The following EYS variants were observed in gnomAD, a reference collection of about 807,000 sequenced individuals.
EYS encodes the protein protein eyes shut homolog.
Under a neutral mutation model 282.1 loss-of-function variants are expected in EYS, and 250 were observed. The observed-to-expected ratio is 0.89, with a 90% CI of 0.80 to 0.98. The LOEUF is 0.98. EYS is among the 50% of genes least tolerant of loss of function. EYS has a pLI of 0.00. For missense variants in EYS, 4,016 were observed against 3,709.0 expected, an observed-to-expected ratio of 1.08 and a Z score of -2.15; for synonymous variants, 1,355 against 1,282.9, an observed-to-expected ratio of 1.06 and a Z score of -1.20.
chr6:64,309,197 TATTC>T (rs922532601), intron 29 of EYS, among the ~76,000 whole-genome samples: 3 of 152,104 alleles, frequency 2.0e-5, no homozygotes, highest in Admixed American at 1.3e-4. Flanking sequence ...AGATCCTTAT[TATTC>T]ATAGGGATAA....
chr6:64,445,583 A>G (rs966834751), intron 26 of EYS, among the ~76,000 whole-genome samples: 9 of 152,314 alleles, frequency 5.9e-5, no homozygotes, highest in African/African-American at 2.2e-4. Flanking sequence ...GGGTTTTCAG[A>G]TGGATGTATG....
intron 22 of EYS, among the ~76,000 whole-genome samples, chr6:64,666,845 A>AT (rs1282392640): frequency 6.6e-6 from 1 of 152,012 alleles, no homozygotes; most frequent in Non-Finnish European, 1.5e-5. Flanking sequence ...TGTAAGAATT[A>AT]TTTTTTTCTT....
chr6:65,562,579 G>C lies in EYS; in HGVS notation c.-332-66586C>G, dbSNP rs115970713. The stretch of plus-strand genomic sequence containing the variant: ...ACCATGTTCTCTGGACCTCCACATA[G>C]CAAGACCCTGGAGATAGTTGGTCAG... On this transcript the variant is annotated intron_variant, in intron 2 of 42. Transcript: ENST00000503581. Among the ~76,000 whole-genome samples the C allele has an allele frequency of 4.3e-3, 661 of 152,100 alleles. 6 individuals are homozygous for C. The highest frequency in any genetic ancestry group is 0.014 in the African/African-American group (569 of 41,534).
intron 29 of EYS, among the ~76,000 whole-genome samples, chr6:64,384,139 G>A (rs1772835729): frequency 6.6e-6 from 1 of 152,072 alleles, no homozygotes; most frequent in Non-Finnish European, 1.5e-5. Flanking sequence ...ATGATTGACA[G>A]GGCTTTTTAT....
chr6:65,689,614 T>C (rs992132059), intron 1 of EYS, among the ~76,000 whole-genome samples: 1 of 150,244 alleles, frequency 6.7e-6, no homozygotes, highest in Non-Finnish European at 1.5e-5. Context: ...TATATGAATA[T>C]AGATATGTTT....
At chr6:65,292,160 T>G (rs1055445170) in intron 12 of EYS, among the ~76,000 whole-genome samples, 1 of 151,754 alleles carries the variant, frequency 6.6e-6, no homozygotes, top group Non-Finnish European at 1.5e-5. Flanking sequence ...GCTTATATAA[T>G]ATCTCCTACT....
chr6:64,562,074 A>T (rs1045816801), intron 26 of EYS, among the ~76,000 whole-genome samples: 2 of 151,868 alleles, frequency 1.3e-5, no homozygotes, highest in Admixed American at 6.6e-5. Flanking sequence ...ACACATTCTT[A>T]TTTGTTCTTT....
At chr6:65,301,771 C>G (rs1400474846) in intron 11 of EYS, among the ~76,000 whole-genome samples, 1 of 152,238 alleles carries the variant, frequency 6.6e-6, no homozygotes, top group African/African-American at 2.4e-5. Context: ...TAATGACGAA[C>G]ACCCCTAAAC....
At chr6:65,401,359 A>G (rs1766486655) in intron 7 of EYS, among the ~76,000 whole-genome samples, 1 of 150,188 alleles carries the variant, frequency 6.7e-6, no homozygotes. Flanking sequence ...ATTTTTTTTT[A>G]ATCAGTCAGT....
At chr6:65,165,864 C>T (rs6910540) in intron 12 of EYS, among the ~76,000 whole-genome samples, 5 of 150,832 alleles carry the variant, frequency 3.3e-5, no homozygotes, top group East Asian at 2.0e-4. Flanking sequence ...AAACTTAGAA[C>T]CAAGAGTGGG....
At chr6:64,726,683 T>C (rs1031897795) in intron 22 of EYS, among the ~76,000 whole-genome samples, 4 of 152,180 alleles carry the variant, frequency 2.6e-5, no homozygotes, top group South Asian at 2.1e-4. Flanking sequence ...TCTATAACCC[T>C]ATTCAATGGA....
intron 2 of EYS, among the ~76,000 whole-genome samples, chr6:65,530,206 A>T (rs1437477370): frequency 6.6e-6 from 1 of 152,146 alleles, no homozygotes; most frequent in African/African-American, 2.4e-5. Context: ...AAATGGGAAG[A>T]TATTCCCAAT....
At chr6:63,894,885 C>A (rs1474918384) in intron 35 of EYS, among the ~76,000 whole-genome samples, 1 of 152,082 alleles carries the variant, frequency 6.6e-6, no homozygotes, top group East Asian at 1.9e-4. Context: ...CTGCGCCCGG[C>A]CAAATCCTGT....
At position 65,393,425 on chromosome 6, in the gene EYS, G is replaced by T. The variant is rs112462958; in HGVS notation, c.1185-8925C>A. On this transcript the variant is annotated intron_variant, in intron 7 of 42. Coordinates refer to ENST00000503581, the MANE Select transcript of EYS (RefSeq NM_001142800.2). ...TAACTCCAAAAGATTAAGCTTTCCT[G>T]TTGAAAATTATTGAGTGACCAAGTG... Among the ~76,000 whole-genome samples, 1,007 of 152,226 alleles carry T rather than the reference G, an allele frequency of 6.6e-3. 11 individuals are homozygous for T. Among genetic ancestry groups the T allele is most frequent in the African/African-American group, 0.022 (910 of 41,538 alleles).
At chr6:65,159,209 T>A (rs1346861737) in intron 12 of EYS, among the ~76,000 whole-genome samples, 2 of 150,838 alleles carry the variant, frequency 1.3e-5, no homozygotes, top group Non-Finnish European at 3.0e-5. Context: ...AATGCATTAA[T>A]TATTGAGATC....
At chr6:64,549,569 T>C (rs1313508846) in intron 26 of EYS, among the ~76,000 whole-genome samples, 1 of 152,164 alleles carries the variant, frequency 6.6e-6, no homozygotes, top group Non-Finnish European at 1.5e-5. Flanking sequence ...GATAAACTTC[T>C]CCTGCCCACT....
At chr6:64,976,439 G>T (rs912290033) in intron 14 of EYS, among the ~76,000 whole-genome samples, 1 of 151,732 alleles carries the variant, frequency 6.6e-6, no homozygotes, top group Non-Finnish European at 1.5e-5. Context: ...TCTGGTGACT[G>T]GGAAGTTCAA....
chr6:65,550,143 C>CT (rs1048251073), intron 2 of EYS, among the ~76,000 whole-genome samples: 6 of 5,954 alleles, frequency 1.0e-3, no homozygotes, highest in African/African-American at 2.6e-3. Flanking sequence ...TCTACTATAT[C>CT]TTTTTTTTTT....
At chr6:65,488,227 G>A (rs11961366) in intron 5 of EYS, among the ~76,000 whole-genome samples, 6,051 of 151,990 alleles carry the variant, frequency 0.04, 369 homozygotes, top group African/African-American at 0.13. Context: ...TTTTGAATGT[G>A]TTTGCTCTTG....
Sources: gnomAD v4.1 joint callset for allele counts (sites outside exome capture counted in the v4.1 genomes callset) on GRCh38, gnomAD v4.1.1 for gene constraint, MANE v1.5 for transcripts, NCBI Gene and HGNC (gene_info 2026-07-23, HGNC 2026-07-21) for gene names.